Variants in SS18L1 observed in about 807,000 individuals in gnomAD.
SS18L1 encodes the protein SS18L1 subunit of BAF chromatin remodeling complex, also known as calcium-responsive transactivator.
SS18L1 carries 32 observed loss-of-function variants against 70.3 expected under a neutral mutation model. The ratio of observed to expected loss-of-function variants is 0.46; its 90% CI spans 0.34 to 0.61. The LOEUF is 0.61. Among genes scored for constraint, SS18L1 ranks in the 20% least tolerant of loss-of-function variants. SS18L1 has a pLI of 0.01. For synonymous variants in SS18L1, 237 were observed against 229.7 expected (o/e 1.03, Z -0.29); for missense variants, 430 against 542.1 (o/e 0.79, Z 2.05).
In SS18L1 at chr20:62,175,751, C is replaced by T. The variant is rs536526044; in HGVS notation, c.1164+1107C>T. Among the ~76,000 whole-genome samples, 14 of 152,344 alleles carry T rather than the reference C, an allele frequency of 9.2e-5. No individual in the cohort carries two copies. The South Asian group carries it at 2.1e-3, about 23-fold the overall frequency. ...CAAAGACTGTTTTTTAAATGCTTCTCGTCCTCCTTCTTCAAGAGGGCAAAG... is the reference window on the plus strand; with the variant it reads ...CAAAGACTGTTTTTTAAATGCTTCTTGTCCTCCTTCTTCAAGAGGGCAAAG... On this transcript the variant is annotated intron_variant, in intron 10 of 10. Coordinates refer to ENST00000331758, the MANE Select transcript of SS18L1 (RefSeq NM_198935.3).
At chr20:62,176,190 TG>T (rs1431491558) in intron 10 of SS18L1, among the ~76,000 whole-genome samples, 31 of 152,256 alleles carry the variant, frequency 2.0e-4, no homozygotes, top group African/African-American at 6.5e-4. Flanking sequence ...ATTATAAGAC[TG>T]AACCAGAGGA....
At chr20:62,147,730 G>A (rs80350483) in intron 1 of SS18L1, among the ~76,000 whole-genome samples, 4 of 152,242 alleles carry the variant, frequency 2.6e-5, no homozygotes, top group Non-Finnish European at 2.9e-5. Flanking sequence ...TGCTGGGTGG[G>A]TTTGGTGTGG....
chr20:62,178,687 T>C (rs899169474), intron 10 of SS18L1, among the ~76,000 whole-genome samples: 1 of 152,204 alleles, frequency 6.6e-6, no homozygotes, highest in African/African-American at 2.4e-5. Flanking sequence ...TCTGGGACTA[T>C]TGGCACACGC....
At position 62,158,181 on chromosome 20, in the gene SS18L1, G is replaced by A. The variant is rs770936504; in HGVS notation, c.70-491G>A. On this transcript the variant is annotated intron_variant, in intron 1 of 10. Coordinates refer to ENST00000331758, the MANE Select transcript of SS18L1 (RefSeq NM_198935.3). The surrounding 1 kb of genome is among the most constrained non-coding windows in gnomAD (Gnocchi z 4.5). ...ACCCTTGCTGCACAGATGCTCTGCC[G>A]TCAAGGGCCCTGGAAGCTGGAGGGT... is the stretch of plus-strand genomic sequence containing the variant. Among the ~76,000 whole-genome samples the A allele has an allele frequency of 1.2e-4, 19 of 152,028 alleles. No individual in the cohort carries two copies. The highest frequency in any genetic ancestry group is 2.4e-4 in the African/African-American group (10 of 41,388).
chr20:62,166,886 T>A (rs113517531), intron 8 of SS18L1, among the ~76,000 whole-genome samples: 1 of 150,090 alleles, frequency 6.7e-6, no homozygotes, highest in Non-Finnish European at 1.5e-5. Flanking sequence ...GATCATGCCA[T>A]TGCACTCCAG....
intron 8 of SS18L1, among the ~76,000 whole-genome samples, chr20:62,166,711 G>A (rs1473400162): frequency 1.3e-5 from 2 of 151,634 alleles, no homozygotes; most frequent in African/African-American, 4.9e-5. Context: ...GATCACCTGA[G>A]GTCAGGAGTT....
chr20:62,179,730 G>GGGGGGGGGGCCCC lies in SS18L1; in HGVS notation c.*522_*523insGGGGGGGGGCCCC. On this transcript the variant is annotated 3_prime_UTR_variant, in exon 11 of 11. Coordinates refer to ENST00000331758, the MANE Select transcript of SS18L1 (RefSeq NM_198935.3). ...GTGCCTCGATGGGGTGGGTGGGAGGGCATCTTCTGTGCGTTGGGTCAGTTT... is the reference window on the plus strand; with the variant it reads ...GTGCCTCGATGGGGTGGGTGGGAGGGGGGGGGGGGCCCCCATCTTCTGTGCGTTGGGTCAGTTT... 1.0e-5 allele frequency: 1 copy of GGGGGGGGGGCCCC among 96,708 alleles called. No individual in the cohort carries two copies. Among genetic ancestry groups the GGGGGGGGGGCCCC allele is most frequent in the Non-Finnish European group, 2.0e-5 (1 of 48,818 alleles). 6.0% of individuals were successfully genotyped at this position (96,708 alleles called of 1,614,324 possible). A position where few individuals can be genotyped will look rare whatever the true frequency, so the allele number is the denominator to read the frequency against.
chr20:62,161,080 G>T lies in SS18L1; in HGVS notation c.232-356G>T, dbSNP rs549265389. On this transcript the variant is annotated intron_variant, in intron 3 of 10. Coordinates refer to ENST00000331758, the MANE Select transcript of SS18L1 (RefSeq NM_198935.3). This position sits in a 1 kb window ranked among gnomAD's most constrained non-coding sequence, Gnocchi z 4.4. ...AGGGGTCGTGGTTGGGGAGCACAGA[G>T]GCGCTGGTCACCTGCGCCCGAGGGG... Among the ~76,000 whole-genome samples, 13 of 152,018 alleles carry T rather than the reference G, an allele frequency of 8.6e-5. No individual in the cohort carries two copies. In the South Asian group the frequency reaches 2.3e-3, roughly 27 times the overall value.
chr20:62,157,187 G>A (rs148272546), intron 1 of SS18L1, among the ~76,000 whole-genome samples: 41 of 152,276 alleles, frequency 2.7e-4, no homozygotes, highest in African/African-American at 9.1e-4. Flanking sequence ...GATGCCGCCT[G>A]GCCCCAGCCC....
At chr20:62,152,597 G>A (rs1021961645) in intron 1 of SS18L1, among the ~76,000 whole-genome samples, 7 of 152,142 alleles carry the variant, frequency 4.6e-5, no homozygotes, top group African/African-American at 1.7e-4. Flanking sequence ...AACAGTGTCT[G>A]CAGAAGACAG....
chr20:62,153,830 C>G (rs2057176649), intron 1 of SS18L1, among the ~76,000 whole-genome samples: 1 of 152,198 alleles, frequency 6.6e-6, no homozygotes, highest in Non-Finnish European at 1.5e-5. Context: ...GGATTTGCTC[C>G]CTTGGTTTGG....
At chr20:62,152,686 C>T (rs2057155720) in intron 1 of SS18L1, among the ~76,000 whole-genome samples, 1 of 152,172 alleles carries the variant, frequency 6.6e-6, no homozygotes, top group African/African-American at 2.4e-5. Flanking sequence ...AGGTACACAC[C>T]AGGTGGAGGA....
At chr20:62,150,845 T>G (rs999030937) in intron 1 of SS18L1, among the ~76,000 whole-genome samples, 5 of 150,126 alleles carry the variant, frequency 3.3e-5, no homozygotes, top group Non-Finnish European at 7.4e-5. Flanking sequence ...GAGCGAAACG[T>G]TATCAGGTGT....
In SS18L1 at chr20:62,159,978, G is replaced by T. The variant is rs761155236; in HGVS notation, c.231+17G>T. On this transcript the variant is annotated intron_variant, in intron 3 of 10. Coordinates refer to ENST00000331758, the MANE Select transcript of SS18L1 (RefSeq NM_198935.3). This position sits in a 1 kb window ranked among gnomAD's most constrained non-coding sequence, Gnocchi z 4.4. Reference sequence around the variant, plus strand: ...CTTCCTGCCGTGAGTACCCACGGGGGGTTGGCCTCCTTTACCCAGCAAGGA... The same window carrying T: ...CTTCCTGCCGTGAGTACCCACGGGGTGTTGGCCTCCTTTACCCAGCAAGGA... 1.2e-5 allele frequency: 19 copies of T among 1,606,640 alleles called. No individual in the cohort carries two copies. In the South Asian group the frequency reaches 1.9e-4, roughly 16 times the overall value.
chr20:62,163,045 G>T (rs2057360248), intron 5 of SS18L1, 114 bp downstream of exon 5: 1 of 1,403,252 alleles, frequency 7.1e-7, no homozygotes. Context: ...GGGTGCTGGA[G>T]GGGAGGGGCC....
chr20:62,151,642 T>C (rs948906223), intron 1 of SS18L1, among the ~76,000 whole-genome samples: 1 of 152,148 alleles, frequency 6.6e-6, no homozygotes, highest in Non-Finnish European at 1.5e-5. Context: ...TAAGAAATCA[T>C]GTTTCAACCA....
At chr20:62,173,435 C>T (rs927578683) in intron 9 of SS18L1, among the ~76,000 whole-genome samples, 3 of 152,200 alleles carry the variant, frequency 2.0e-5, no homozygotes, top group Non-Finnish European at 2.9e-5. Flanking sequence ...TGAGGCCAGG[C>T]GTGGTGGCTC....
intron 8 of SS18L1, among the ~76,000 whole-genome samples, chr20:62,168,657 A>G (rs1201541337): frequency 1.3e-5 from 2 of 152,088 alleles, no homozygotes; most frequent in Non-Finnish European, 1.5e-5. Flanking sequence ...CCTCTCTACT[A>G]AAAAACATTA....
intron 8 of SS18L1, among the ~76,000 whole-genome samples, chr20:62,172,361 C>A (rs867628865): frequency 5.1e-4 from 77 of 152,070 alleles, no homozygotes; most frequent in Middle Eastern, 3.4e-3. Flanking sequence ...CTGCAAAGAC[C>A]CTATGTCCAA....
Sources: allele counts gnomAD v4.1 joint callset (sites outside exome capture counted in the v4.1 genomes callset), GRCh38; gene constraint gnomAD v4.1.1; non-coding constraint Gnocchi (gnomAD v3.1); transcripts MANE v1.5; gene names NCBI Gene and HGNC (gene_info 2026-07-23, HGNC 2026-07-21).